TIAM1: variants seen among roughly 807,000 people sequenced by gnomAD.
TIAM1 encodes TIAM Rac1 associated GEF 1, also known as rho guanine nucleotide exchange factor TIAM1.
TIAM1 carries 65 observed loss-of-function variants against 163.5 expected under a neutral mutation model. The ratio of observed to expected loss-of-function variants is 0.40; its 90% confidence interval spans 0.33 to 0.49. The LOEUF (loss-of-function observed/expected upper bound fraction) is 0.49, where lower values mean the gene tolerates loss of function less well. Ranked by LOEUF, TIAM1 falls within the 20% of genes least tolerant of loss-of-function variation. The pLI, the probability that TIAM1 is intolerant of heterozygous loss-of-function variation, is 0.77. For missense variants in TIAM1, 1,789 were observed against 2,044.7 expected (o/e 0.87, Z 2.41); for synonymous variants, 833 against 810.1 (o/e 1.03, Z -0.48).
chr21:31,259,121 ATCT>A (rs1371338746), intron 4 of TIAM1, among the ~76,000 whole-genome samples: 2 of 141,886 alleles, frequency 1.4e-5, no homozygotes, highest in Non-Finnish European at 1.5e-5. Context: ...TAGGAATGTG[ATCT>A]TCTTTTTTTT....
chr21:31,372,728 T>C (rs1211559020), intron 2 of TIAM1, among the ~76,000 whole-genome samples: 2 of 151,980 alleles, frequency 1.3e-5, no homozygotes, highest in African/African-American at 2.4e-5. Context: ...CCCCAGCACA[T>C]TGGAAGGCCA....
At chr21:31,319,298 A>G (rs1019465889) in intron 2 of TIAM1, among the ~76,000 whole-genome samples, 8 of 152,120 alleles carry the variant, frequency 5.3e-5, no homozygotes, top group Non-Finnish European at 1.2e-4. Context: ...CCCGTTTTCA[A>G]TTCTTTTGGG....
intron 5 of TIAM1, among the ~76,000 whole-genome samples, chr21:31,247,685 C>T (rs1398651734): frequency 6.6e-6 from 1 of 152,098 alleles, no homozygotes; most frequent in Non-Finnish European, 1.5e-5. Flanking sequence ...AGTGAGGCAC[C>T]ACACCAAGCT....
intron 2 of TIAM1, among the ~76,000 whole-genome samples, chr21:31,368,526 T>C (rs2076536943): frequency 6.6e-6 from 1 of 152,158 alleles, no homozygotes; most frequent in South Asian, 2.1e-4. Flanking sequence ...GCCAGGAGTC[T>C]AAAAAGCTAA....
At chr21:31,295,657 C>T (rs1345350248) in intron 2 of TIAM1, among the ~76,000 whole-genome samples, 1 of 151,920 alleles carries the variant, frequency 6.6e-6, no homozygotes, top group Non-Finnish European at 1.5e-5. Flanking sequence ...ACAGGTTATC[C>T]TAGTACTCAA....
At chr21:31,491,544 C>T (rs755827154) in intron 1 of TIAM1, among the ~76,000 whole-genome samples, 68 of 152,186 alleles carry the variant, frequency 4.5e-4, no homozygotes, top group Non-Finnish European at 8.1e-4. Flanking sequence ...AACCTGTTTT[C>T]CAACCCTCCT....
chr21:31,311,546 A>T (rs2074930923), intron 2 of TIAM1, among the ~76,000 whole-genome samples: 1 of 152,170 alleles, frequency 6.6e-6, no homozygotes, highest in African/African-American at 2.4e-5. Flanking sequence ...CCACATTGGA[A>T]TGTATCAAGT....
At chr21:31,304,040 T>C (rs1316514415) in intron 2 of TIAM1, among the ~76,000 whole-genome samples, 1 of 152,078 alleles carries the variant, frequency 6.6e-6, no homozygotes, top group East Asian at 1.9e-4. Context: ...CATAGCTCTG[T>C]CCCAGGGTTC....
At chr21:31,557,297 T>A (rs1223472693) in intron 1 of TIAM1, among the ~76,000 whole-genome samples, 1 of 151,188 alleles carries the variant, frequency 6.6e-6, no homozygotes, top group African/African-American at 2.4e-5. Flanking sequence ...GCTGGGGGAG[T>A]GAAGAACGCA....
intron 1 of TIAM1, among the ~76,000 whole-genome samples, chr21:31,490,907 G>A (rs1463155423): frequency 6.6e-6 from 1 of 152,158 alleles, no homozygotes; most frequent in East Asian, 1.9e-4. Context: ...TGGGCGGATC[G>A]CGAGGTCTGG....
At chr21:31,369,667 C>G (rs2076561952) in intron 2 of TIAM1, among the ~76,000 whole-genome samples, 1 of 152,234 alleles carries the variant, frequency 6.6e-6, no homozygotes, top group South Asian at 2.1e-4. Flanking sequence ...AAATATCACT[C>G]TGTGTCCCAT....
chr21:31,195,485 G>A (rs2833331), intron 12 of TIAM1, among the ~76,000 whole-genome samples, 180 bp from the exon 13 acceptor site: 27,313 of 152,148 alleles, frequency 0.18, 3,625 homozygotes, highest in East Asian at 0.4. Context: ...TCCAGCTGTC[G>A]TCCTCAAACA....
intron 1 of TIAM1, among the ~76,000 whole-genome samples, chr21:31,500,844 T>C (rs2046824593): frequency 6.6e-6 from 1 of 152,156 alleles, no homozygotes; most frequent in South Asian, 2.1e-4. Flanking sequence ...GCCTCCAGAA[T>C]TGTGAGAGGA....
At chr21:31,474,875 C>A (rs1466318789) in intron 1 of TIAM1, among the ~76,000 whole-genome samples, 3 of 151,842 alleles carry the variant, frequency 2.0e-5, no homozygotes, top group Admixed American at 6.6e-5. Flanking sequence ...GTTCCTGCAC[C>A]CTGGGAGCCC....
Position 31,266,442 on chromosome 21 carries a change from C to T in TIAM1, c.531G>A (p.Arg177=). 2 of 1,614,208 alleles carry T rather than the reference C, an allele frequency of 1.2e-6. No homozygotes were observed. Among genetic ancestry groups the T allele is most frequent in the Non-Finnish European group, 8.5e-7 (1 of 1,180,046 alleles). The change falls in exon 4 of 28, where the codon CGG becomes CGA. Residue 177 remains arginine (R), a synonymous_variant. Coordinates refer to ENST00000541036, the MANE Select transcript of TIAM1 (RefSeq NM_001353694.2). The stretch of plus-strand genomic sequence containing the variant: ...AGAGTGAGAATTCCAGGCTGTCCTC[C>T]CGCCAGATGTCTGCAGATTTGGAGC... ...KKRSKSADIW[R]EDSLEFSLSD...
chr21:31,176,873 C>T (rs1363185659), intron 15 of TIAM1, among the ~76,000 whole-genome samples: 1 of 152,052 alleles, frequency 6.6e-6, no homozygotes, highest in African/African-American at 2.4e-5. Context: ...ACCCAGACCC[C>T]ATCCCACACT....
chr21:31,539,836 A>G (rs1258658305), intron 1 of TIAM1, among the ~76,000 whole-genome samples: 1 of 152,032 alleles, frequency 6.6e-6, no homozygotes, highest in Non-Finnish European at 1.5e-5. Flanking sequence ...CCAATTTTTC[A>G]TCTGTAAAAT....
In TIAM1 at chr21:31,201,971, A is replaced by G. The variant is rs77324370; in HGVS notation, c.2493+937T>C. 1.1e-4 allele frequency among the ~76,000 whole-genome samples: 16 copies of G among 152,332 alleles called. No homozygotes were observed. In the East Asian group the frequency reaches 2.7e-3, roughly 26 times the overall value. ...TCTCTAATCTTTGTAAAATCCTAGAAATTAAGTATTAGCATTTCATTTTTT... is the reference window on the plus strand; with the variant it reads ...TCTCTAATCTTTGTAAAATCCTAGAGATTAAGTATTAGCATTTCATTTTTT... On this transcript the variant is annotated intron_variant, in intron 12 of 27. Coordinates refer to ENST00000541036, the MANE Select transcript of TIAM1 (RefSeq NM_001353694.2).
intron 2 of TIAM1, among the ~76,000 whole-genome samples, chr21:31,305,605 G>A (rs1380153069): frequency 2.6e-5 from 4 of 152,006 alleles, no homozygotes; most frequent in South Asian, 2.1e-4. Flanking sequence ...TTTTATCAAC[G>A]GCCAGTTGCT....
Sources: gnomAD v4.1 joint callset for allele counts (sites outside exome capture counted in the v4.1 genomes callset) on GRCh38, gnomAD v4.1.1 for gene constraint, MANE v1.5 for transcripts, NCBI Gene and HGNC (gene_info 2026-07-23, HGNC 2026-07-21) for gene names.